SH3PXD2B: variants seen among roughly 807,000 people sequenced by gnomAD.
SH3PXD2B encodes SH3 and PX domains 2B, also known as SH3 and PX domain-containing protein 2B.
In SH3PXD2B, 37 loss-of-function variants were observed where a neutral mutation model predicts 73.1. That is an observed-to-expected ratio of 0.51 (90% CI 0.39 to 0.67). The LOEUF (loss-of-function observed/expected upper bound fraction) is 0.67. SH3PXD2B is among the 30% of genes least tolerant of loss of function. SH3PXD2B has a pLI of 0.00. For missense variants in SH3PXD2B, 1,053 were observed against 1,197.8 expected (o/e 0.88, Z 1.78); for synonymous variants, 457 against 480.5 (o/e 0.95, Z 0.64).
chr5:172,394,461 G>C (rs1758250918), intron 4 of SH3PXD2B, 102 bp downstream of exon 4: 1 of 1,236,312 alleles, frequency 8.1e-7, no homozygotes, highest in African/African-American at 1.5e-5. Context: ...ACATTCCTTT[G>C]AATTGCACAA....
Position 172,338,543 on chromosome 5 carries a change from C to T in SH3PXD2B, c.2562G>A (p.Leu854=). 6.2e-7 allele frequency: 1 copy of T among 1,614,206 alleles called. No individual in the cohort carries two copies. The highest frequency in any genetic ancestry group is 8.5e-7 in the Non-Finnish European group (1 of 1,180,024). ...CTTCAAAGTCGGCCACGGCCACATA[C>T]AAAGAGTCCTTCAGGCCGTCGGCAT... ...VPNADGLKDS[L]YVAVADFEGD... Residue 854 remains leucine (L), a synonymous_variant, in exon 13 of 13, where the codon TTG becomes TTA. Coordinates refer to ENST00000311601, the MANE Select transcript of SH3PXD2B (RefSeq NM_001017995.3). This position sits in a 1 kb window ranked among gnomAD's most constrained non-coding sequence, Gnocchi z 5.1.
At chr5:172,423,967 C>G (rs184212823) in intron 1 of SH3PXD2B, among the ~76,000 whole-genome samples, 3 of 152,110 alleles carry the variant, frequency 2.0e-5, no homozygotes, top group African/African-American at 7.2e-5. Flanking sequence ...TGCTCCAACT[C>G]TGGAGAAAGC....
At chr5:172,366,277 T>C (rs1757519997) in intron 6 of SH3PXD2B, among the ~76,000 whole-genome samples, 1 of 152,166 alleles carries the variant, frequency 6.6e-6, no homozygotes, top group South Asian at 2.1e-4. Context: ...GGGGCTTCCC[T>C]GGGGCCAGGG....
At chr5:172,375,471 C>G (rs1247424889) in intron 5 of SH3PXD2B, among the ~76,000 whole-genome samples, 1 of 152,158 alleles carries the variant, frequency 6.6e-6, no homozygotes, top group African/African-American at 2.4e-5. Context: ...TTTCATCACT[C>G]CAAAAAGAAG....
downstream of SH3PXD2B, among the ~76,000 whole-genome samples, chr5:172,329,501 G>GT (rs1260106078): frequency 1.2e-4 from 18 of 148,188 alleles, no homozygotes; most frequent in Non-Finnish European, 1.9e-4. Context: ...TGAGGACATA[G>GT]TTTATTGTAG....
In SH3PXD2B at chr5:172,353,069, TGTGA is replaced by T. The variant is rs1757192909; in HGVS notation, c.785+815_785+818del. 6.6e-6 allele frequency among the ~76,000 whole-genome samples: 1 copy of T among 152,174 alleles called. No individual in the cohort carries two copies. The highest frequency in any genetic ancestry group is 2.4e-5 in the African/African-American group (1 of 41,442). ...TGAGTTTGTCTTCTGTACCAGGTGG[TGTGA>T]GCTATTGTATCTTGCTCACTGTTGA... is the stretch of plus-strand genomic sequence containing the variant. On this transcript the variant is annotated intron_variant, in intron 9 of 12. Coordinates refer to ENST00000311601, the MANE Select transcript of SH3PXD2B (RefSeq NM_001017995.3). The surrounding 1 kb of genome is among the most constrained non-coding windows in gnomAD (Gnocchi z 4.3).
chr5:172,342,761 GA>G (rs113428401), intron 12 of SH3PXD2B, among the ~76,000 whole-genome samples: 7,753 of 146,022 alleles, frequency 0.053, 211 homozygotes, highest in Middle Eastern at 0.068. Flanking sequence ...ACTCTGTCTC[GA>G]AAAAAAAAAA....
intron 3 of SH3PXD2B, among the ~76,000 whole-genome samples, chr5:172,399,704 C>A (rs28447296): frequency 6.6e-6 from 1 of 152,204 alleles, no homozygotes; most frequent in Non-Finnish European, 1.5e-5. Flanking sequence ...ATTAGCCTGA[C>A]AATAACATCC....
chr5:172,437,289 G>T (rs1235178638), intron 1 of SH3PXD2B, among the ~76,000 whole-genome samples: 1 of 152,144 alleles, frequency 6.6e-6, no homozygotes, highest in Non-Finnish European at 1.5e-5. Flanking sequence ...CTGATCTGTT[G>T]ACTGTCCCCA....
intron 1 of SH3PXD2B, among the ~76,000 whole-genome samples, chr5:172,435,824 A>G (rs1759375272): frequency 7.5e-6 from 1 of 133,426 alleles, no homozygotes; most frequent in South Asian, 2.2e-4. Flanking sequence ...AAATTGGGTG[A>G]CTGAAGACAA....
chr5:172,414,456 T>TAAAA (rs1007937801), intron 2 of SH3PXD2B, among the ~76,000 whole-genome samples: 32 of 77,562 alleles, frequency 4.1e-4, no homozygotes, highest in African/African-American at 1.2e-3. Flanking sequence ...GACTCCATCT[T>TAAAA]AAAAAAAAAA....
intron 3 of SH3PXD2B, among the ~76,000 whole-genome samples, chr5:172,402,987 C>T (rs1053663459): frequency 5.3e-5 from 8 of 152,248 alleles, no homozygotes; most frequent in Non-Finnish European, 4.4e-5. Flanking sequence ...AACCGTGAGG[C>T]CAGTGGTAGG....
chr5:172,440,268 A>G (rs1053913535), intron 1 of SH3PXD2B, among the ~76,000 whole-genome samples: 1 of 152,226 alleles, frequency 6.6e-6, no homozygotes, highest in Non-Finnish European at 1.5e-5. Flanking sequence ...TCGAGATGGC[A>G]AAGTAGCAAT....
chr5:172,440,589 A>G (rs1759533317), intron 1 of SH3PXD2B, among the ~76,000 whole-genome samples: 1 of 152,232 alleles, frequency 6.6e-6, no homozygotes, highest in Non-Finnish European at 1.5e-5. Flanking sequence ...GCAGAAGTCA[A>G]GACAGTTCAA....
intron 2 of SH3PXD2B, 53 bp from the exon 3 acceptor site, chr5:172,406,405 T>G: frequency 1.3e-6 from 2 of 1,559,556 alleles, no homozygotes; most frequent in East Asian, 4.5e-5. Context: ...GCACTAAACA[T>G]CATCTAGGAC....
At chr5:172,367,389 G>GA (rs1342084302) in intron 6 of SH3PXD2B, among the ~76,000 whole-genome samples, 1 of 137,724 alleles carries the variant, frequency 7.3e-6, no homozygotes, top group East Asian at 2.2e-4. Context: ...CCTCTCATCA[G>GA]TTTTTTTTTT....
chr5:172,396,341 T>G (rs1758297858), intron 3 of SH3PXD2B, among the ~76,000 whole-genome samples: 1 of 150,976 alleles, frequency 6.6e-6, no homozygotes, highest in Admixed American at 6.6e-5. Context: ...ACGACAGCAC[T>G]CCAGCCTGGG....
chr5:172,399,120 C>T (rs1473195655), intron 3 of SH3PXD2B, among the ~76,000 whole-genome samples: 2 of 152,200 alleles, frequency 1.3e-5, no homozygotes, highest in East Asian at 3.8e-4. Flanking sequence ...GTTCAAGCTG[C>T]CTTTCAACAT....
Position 172,345,885 on chromosome 5 carries a change from T to C in SH3PXD2B, c.1188+251A>G, listed in dbSNP as rs10051297. Among the ~76,000 whole-genome samples, 22,923 of 152,088 alleles carry C rather than the reference T, an allele frequency of 0.15. 2,970 individuals are homozygous for C. The highest frequency in any genetic ancestry group is 0.36 in the African/African-American group (14,869 of 41,376). ...AAGTTGAGGGGAAATGGAGGGTGGC[T>C]GTTGATGGGTAAGGAGTTTCTTTTT... On this transcript the variant is annotated intron_variant, in intron 12 of 12. Transcript: ENST00000311601.
Sources: gnomAD v4.1 joint callset for allele counts (sites outside exome capture counted in the v4.1 genomes callset) on GRCh38, gnomAD v4.1.1 for gene constraint, Gnocchi (gnomAD v3.1) non-coding constraint, MANE v1.5 for transcripts, NCBI Gene and HGNC (gene_info 2026-07-23, HGNC 2026-07-21) for gene names.